Variants in FANCB observed in about 807,000 individuals in gnomAD.
The protein encoded by FANCB is FA complementation group B.
In FANCB, 5 loss-of-function variants were observed where a neutral mutation model predicts 38.9. The observed-to-expected ratio is 0.13, with a 90% CI of 0.07 to 0.27. The LOEUF (loss-of-function observed/expected upper bound fraction) is 0.27. FANCB is among the 10% of genes least tolerant of loss of function. The pLI is 1.00. For synonymous variants in FANCB, 236 were observed against 215.4 expected (o/e 1.10, Z -0.84); for missense variants, 573 against 602.7 (o/e 0.95, Z 0.52).
the FANCB span, among the ~76,000 whole-genome samples, chrX:14,702,990 C>T: frequency 9.0e-6 from 1 of 111,322 alleles, no homozygotes; most frequent in East Asian, 2.8e-4. Flanking sequence ...GGGGGAGCCT[C>T]TGGGTCAGAG....
the FANCB span, among the ~76,000 whole-genome samples, chrX:14,798,475 T>C: frequency 8.9e-6 from 1 of 112,559 alleles, no homozygotes; most frequent in South Asian, 3.6e-4. Flanking sequence ...AAAATGCTTT[T>C]CTTAACACAA....
the FANCB span, among the ~76,000 whole-genome samples, chrX:14,771,286 G>A: frequency 1.8e-5 from 2 of 111,042 alleles, no homozygotes; most frequent in East Asian, 5.7e-4. Flanking sequence ...TCGTAGGTTA[G>A]GTCTCTTTAC....
At chrX:14,691,925 CTGG>C in the FANCB span, among the ~76,000 whole-genome samples, 1 of 112,182 alleles carries the variant, frequency 8.9e-6, no homozygotes, top group African/African-American at 3.2e-5. Context: ...ATTAATCCTG[CTGG>C]TGAAGTAATA....
chrX:14,724,626 CA>C, the FANCB span, among the ~76,000 whole-genome samples: 284 of 49,540 alleles, frequency 5.7e-3, no homozygotes, highest in African/African-American at 0.015. Flanking sequence ...AACTCTGTCT[CA>C]AAAAAAAAAA....
At chrX:14,775,752 T>C in the FANCB span, among the ~76,000 whole-genome samples, 2 of 111,655 alleles carry the variant, frequency 1.8e-5, no homozygotes, top group Non-Finnish European at 3.8e-5. Context: ...GATCAGAGGA[T>C]TGGGGCTATT....
chrX:14,806,141 G>A, the FANCB span, among the ~76,000 whole-genome samples: 1 of 111,889 alleles, frequency 8.9e-6, no homozygotes, highest in Non-Finnish European at 1.9e-5. Flanking sequence ...GGAGGGAAGT[G>A]AGAAAAGTTT....
At chrX:14,834,553 A>ATT, downstream of FANCB, 1 of 509,565 alleles carries the variant, frequency 2.0e-6, no homozygotes, top group Admixed American at 2.4e-5. Context: ...ATAACTGATG[A>ATT]ACTTGGCTTC....
chrX:14,800,426 C>T, the FANCB span, among the ~76,000 whole-genome samples: 2 of 111,443 alleles, frequency 1.8e-5, no homozygotes, highest in African/African-American at 3.3e-5. Context: ...GCAACCGCCA[C>T]AAGTTAGGAA....
At chrX:14,695,252 A>G in the FANCB span, among the ~76,000 whole-genome samples, 1 of 111,776 alleles carries the variant, frequency 8.9e-6, no homozygotes, top group South Asian at 3.8e-4. Context: ...AAATGGTGAC[A>G]AACCTTAGAT....
the FANCB span, among the ~76,000 whole-genome samples, chrX:14,810,565 A>G: frequency 8.9e-6 from 1 of 112,054 alleles, no homozygotes; most frequent in Non-Finnish European, 1.9e-5. Flanking sequence ...AAAGGGTATC[A>G]GTGATGGAAG....
chrX:14,793,136 T>C, the FANCB span, among the ~76,000 whole-genome samples: 3 of 112,464 alleles, frequency 2.7e-5, no homozygotes, highest in South Asian at 1.1e-3. Context: ...AATCAATGTA[T>C]GTTTCTTAAC....
At chrX:14,742,816 G>T in the FANCB span, among the ~76,000 whole-genome samples, 1 of 112,448 alleles carries the variant, frequency 8.9e-6, no homozygotes, top group African/African-American at 3.2e-5. Flanking sequence ...GTTTCATTTT[G>T]ACCTACTACA....
the FANCB span, among the ~76,000 whole-genome samples, chrX:14,793,958 C>G: frequency 9.0e-6 from 1 of 111,323 alleles, no homozygotes; most frequent in East Asian, 2.8e-4. Flanking sequence ...GAGGTTACAA[C>G]GTGAGTTTAG....
chrX:14,694,000 A>G, the FANCB span, among the ~76,000 whole-genome samples: 2 of 112,106 alleles, frequency 1.8e-5, no homozygotes, highest in East Asian at 5.6e-4. Context: ...TTATCTAAGA[A>G]TCTATTTCAT....
At chrX:14,801,427 A>G in the FANCB span, among the ~76,000 whole-genome samples, 3 of 112,194 alleles carry the variant, frequency 2.7e-5, no homozygotes, top group Non-Finnish European at 5.6e-5. Context: ...ACCTGAGTGA[A>G]AGGAAGGCCG....
chrX:14,829,628 G>C, the FANCB span, among the ~76,000 whole-genome samples: 1 of 111,908 alleles, frequency 8.9e-6, no homozygotes, highest in African/African-American at 3.2e-5. Context: ...TTGTGTTATA[G>C]AGACGGTTTC....
chrX:14,695,634 A>AT, the FANCB span, among the ~76,000 whole-genome samples: 2 of 111,764 alleles, frequency 1.8e-5, no homozygotes, highest in East Asian at 5.6e-4. Flanking sequence ...CTGAAGTGAG[A>AT]TACTGTGTTC....
At chrX:14,839,431 T>A (rs765005336), downstream of FANCB, among the ~76,000 whole-genome samples, 1 of 111,755 alleles carries the variant, frequency 8.9e-6, no homozygotes, top group South Asian at 3.7e-4. Flanking sequence ...TTCTAAAATA[T>A]GAAATATTGA....
At chrX:14,806,777 G>A in the FANCB span, among the ~76,000 whole-genome samples, 1 of 111,909 alleles carries the variant, frequency 8.9e-6, no homozygotes, top group Non-Finnish European at 1.9e-5. Flanking sequence ...CTGAAAAAGT[G>A]AATATACAAT....
Sources: gnomAD v4.1 joint callset for allele counts (sites outside exome capture counted in the v4.1 genomes callset) on GRCh38, gnomAD v4.1.1 for gene constraint, MANE v1.5 for transcripts, NCBI Gene and HGNC (gene_info 2026-07-23, HGNC 2026-07-21) for gene names.